The following MGLL variants were observed in gnomAD, a reference collection of about 807,000 sequenced individuals.
MGLL encodes monoglyceride lipase.
Under a neutral mutation model 29.1 loss-of-function variants are expected in MGLL, and 7 were observed. The observed-to-expected ratio is 0.24, with a 90% CI of 0.14 to 0.45. The LOEUF (loss-of-function observed/expected upper bound fraction) is 0.45. Ranked by LOEUF, MGLL falls within the 20% of genes least tolerant of loss-of-function variation. The pLI is 0.99. For missense variants in MGLL, 356 were observed against 413.6 expected (o/e 0.86, Z 1.21); for synonymous variants, 148 against 168.3 (o/e 0.88, Z 0.93).
chr3:127,735,637 G>A, intron 3 of MGLL: 1 of 1,465,126 alleles, frequency 6.8e-7, no homozygotes, highest in Non-Finnish European at 9.2e-7. Context: ...CAAGATTGTA[G>A]TTACCTCCAG....
At position 127,821,671 on chromosome 3, in the gene MGLL, G is replaced by A. The variant is rs1046618400; in HGVS notation, c.155+23C>T. On this transcript the variant is annotated intron_variant, in intron 2 of 7. Transcript: ENST00000265052. ...GGGCCATGCTCCCCTGTCACCTGGG[G>A]TGACTTTCTGGGGAAGACTTACTTG... 8 of 1,613,574 alleles carry A rather than the reference G, an allele frequency of 5.0e-6. No individual in the cohort carries two copies. In the African/African-American group the frequency reaches 8.0e-5, roughly 16 times the overall value.
intron 3 of MGLL, among the ~76,000 whole-genome samples, chr3:127,737,050 T>C (rs1031525404): frequency 1.1e-4 from 16 of 152,086 alleles, no homozygotes; most frequent in Admixed American, 1.0e-3. Flanking sequence ...ATCTACCAGT[T>C]GGAAGATGAG....
chr3:127,757,392 T>C (rs2076683267), intron 3 of MGLL, among the ~76,000 whole-genome samples: 1 of 152,208 alleles, frequency 6.6e-6, no homozygotes, highest in East Asian at 1.9e-4. Flanking sequence ...TTCTAATTTT[T>C]AAATTAGAAA....
At chr3:127,735,891 G>C in intron 3 of MGLL, 1 of 1,557,290 alleles carries the variant, frequency 6.4e-7, no homozygotes, top group South Asian at 1.2e-5. Flanking sequence ...CTCCTGTTCA[G>C]CTCTGCAAAG....
intron 2 of MGLL, chr3:127,791,149 G>A (rs953929626): frequency 1.3e-4 from 20 of 152,240 alleles, no homozygotes; most frequent in African/African-American, 4.6e-4. Flanking sequence ...CCCAGAAATA[G>A]AAGAAAACTG....
At chr3:127,749,701 T>C (rs554628705) in intron 3 of MGLL, among the ~76,000 whole-genome samples, 86 of 152,262 alleles carry the variant, frequency 5.6e-4, no homozygotes, top group Non-Finnish European at 7.5e-4. Context: ...ATCTTTGTCA[T>C]GGTGGGGGTC....
intron 3 of MGLL, among the ~76,000 whole-genome samples, chr3:127,757,970 C>A (rs2076694059): frequency 6.6e-6 from 1 of 152,194 alleles, no homozygotes; most frequent in Admixed American, 6.5e-5. Context: ...GGCTTCTGTT[C>A]CTGTTTTATA....
At chr3:127,811,733 C>G (rs1401723178) in intron 2 of MGLL, among the ~76,000 whole-genome samples, 1 of 152,252 alleles carries the variant, frequency 6.6e-6, no homozygotes, top group Non-Finnish European at 1.5e-5. Flanking sequence ...AGATCCAGGC[C>G]AGTCTGAGAA....
intron 3 of MGLL, among the ~76,000 whole-genome samples, chr3:127,767,257 C>A (rs1480995185): frequency 6.6e-6 from 1 of 152,144 alleles, no homozygotes; most frequent in East Asian, 1.9e-4. Flanking sequence ...TACTATTGCA[C>A]CCATCCTGTT....
At chr3:127,755,606 C>T (rs1305436141) in intron 3 of MGLL, among the ~76,000 whole-genome samples, 5 of 152,144 alleles carry the variant, frequency 3.3e-5, no homozygotes, top group African/African-American at 9.7e-5. Context: ...CCTGTTGCTC[C>T]GAACGAGGAC....
chr3:127,777,803 A>C (rs2077061155), intron 3 of MGLL, among the ~76,000 whole-genome samples: 1 of 152,248 alleles, frequency 6.6e-6, no homozygotes, highest in Admixed American at 6.5e-5. Flanking sequence ...CCTCACTTAT[A>C]AAATGGGGAA....
chr3:127,738,650 T>A (rs2076285659), intron 3 of MGLL, among the ~76,000 whole-genome samples: 1 of 152,176 alleles, frequency 6.6e-6, no homozygotes, highest in South Asian at 2.1e-4. Flanking sequence ...CCTCTCCATC[T>A]GGGCACACTG....
chr3:127,793,507 C>A lies in MGLL; in HGVS notation c.156-11612G>T, dbSNP rs558590929. The stretch of plus-strand genomic sequence containing the variant: ...AGCTCTAGATCCCACGGAATCTTTT[C>A]AGATGTCAGTTTCTTCCCCTCTGCA... On this transcript the variant is annotated intron_variant, in intron 2 of 7. Transcript: ENST00000265052. Among the ~76,000 whole-genome samples, 4 of 152,346 alleles carry A rather than the reference C, an allele frequency of 2.6e-5. No homozygotes were observed. In the East Asian group the frequency reaches 7.7e-4, roughly 29 times the overall value.
At chr3:127,770,707 G>C (rs2076934580) in intron 3 of MGLL, among the ~76,000 whole-genome samples, 1 of 152,226 alleles carries the variant, frequency 6.6e-6, no homozygotes, top group South Asian at 2.1e-4. Context: ...GCTGTACGGA[G>C]CAAAACCAGG....
chr3:127,779,417 C>T (rs956064479), intron 3 of MGLL, among the ~76,000 whole-genome samples: 14 of 151,800 alleles, frequency 9.2e-5, no homozygotes, highest in African/African-American at 3.4e-4. Context: ...GGAAAGAATG[C>T]AGTCTGCATA....
chr3:127,716,178 G>A (rs573407378), intron 5 of MGLL, among the ~76,000 whole-genome samples: 1 of 152,378 alleles, frequency 6.6e-6, no homozygotes, highest in South Asian at 2.1e-4. Flanking sequence ...GGAAGGGACA[G>A]GCGATGAAAT....
chr3:127,819,966 T>A (rs1460056383), intron 2 of MGLL, among the ~76,000 whole-genome samples: 1 of 152,110 alleles, frequency 6.6e-6, no homozygotes, highest in Non-Finnish European at 1.5e-5. Flanking sequence ...GACAGGTAGG[T>A]AGGACCTTGG....
At chr3:127,816,376 G>C (rs1184967871) in intron 2 of MGLL, among the ~76,000 whole-genome samples, 2 of 152,190 alleles carry the variant, frequency 1.3e-5, no homozygotes, top group Non-Finnish European at 2.9e-5. Context: ...GAAAACCTAA[G>C]GGCGGGGAAG....
chr3:127,790,374 T>C (rs1467775431), intron 2 of MGLL, among the ~76,000 whole-genome samples: 1 of 152,216 alleles, frequency 6.6e-6, no homozygotes. Context: ...AGATTAGGAA[T>C]TGGGCATGGA....
Sources: gnomAD v4.1 joint callset for allele counts (sites outside exome capture counted in the v4.1 genomes callset) on GRCh38, gnomAD v4.1.1 for gene constraint, MANE v1.5 for transcripts, NCBI Gene and HGNC (gene_info 2026-07-23, HGNC 2026-07-21) for gene names.